The following GJC3 variants were observed in gnomAD, a reference collection of about 807,000 sequenced individuals.
GJC3 encodes gap junction protein gamma 3.
A neutral mutation model predicts 19.8 loss-of-function variants in GJC3; 17 were observed. The observed-to-expected ratio is 0.86, with a 90% CI of 0.59 to 1.29. The LOEUF (loss-of-function observed/expected upper bound fraction) is 1.29, where lower values mean the gene tolerates loss of function less well. Among genes scored for constraint, GJC3 ranks in the 50% most tolerant of loss-of-function variants. The pLI is 0.00. For synonymous variants in GJC3, 140 were observed against 136.5 expected, an observed-to-expected ratio of 1.03 and a Z score of -0.18; for missense variants, 317 against 332.5, an observed-to-expected ratio of 0.95 and a Z score of 0.36.
At chr7:99,924,722 G>T (rs1159715568) in intron 1 of GJC3, among the ~76,000 whole-genome samples, 2 of 152,160 alleles carry the variant, frequency 1.3e-5, no homozygotes, top group Admixed American at 1.3e-4. Flanking sequence ...TATACTTTGG[G>T]TATAATCCAA....
chr7:99,926,946 T>C (rs1819812977), intron 1 of GJC3, among the ~76,000 whole-genome samples: 1 of 152,096 alleles, frequency 6.6e-6, no homozygotes, highest in South Asian at 2.1e-4. Flanking sequence ...CACGCCACAG[T>C]GTGGGAGCAA....
chr7:99,928,273 C>T (rs1297400397), intron 1 of GJC3, among the ~76,000 whole-genome samples: 1 of 152,218 alleles, frequency 6.6e-6, no homozygotes, highest in East Asian at 1.9e-4. Flanking sequence ...TTTAGGGAGG[C>T]TTCTCCCGGC....
At position 99,929,526 on chromosome 7, in the gene GJC3, C is replaced by A. The variant is rs774309548; in HGVS notation, c.95G>T (p.Arg32Leu). 3.1e-6 allele frequency: 5 copies of A among 1,614,054 alleles called. No individual in the cohort carries two copies. Among genetic ancestry groups the A allele is most frequent in the Admixed American group, 1.7e-5 (1 of 60,022 alleles). ...RLLLPVLLGF[R>L]LVLLAASGPG... is the part of the protein sequence containing the mutation. ...CCCACTGGCAGCCAGCAGCACAAGG[C>A]GGAATCCCAGGAGCACGGGAAGCAA... The change falls in exon 1 of 2, where the codon CGC (arginine) becomes CTC (leucine). Residue 32 changes from arginine to leucine, a missense_variant. Arg to Leu is a moderately radical substitution (Grantham distance 102). Coordinates refer to ENST00000312891, the MANE Select transcript of GJC3 (RefSeq NM_181538.3).
chr7:99,927,709 G>C (rs1819831714), intron 1 of GJC3, among the ~76,000 whole-genome samples: 1 of 152,014 alleles, frequency 6.6e-6, no homozygotes, highest in Non-Finnish European at 1.5e-5. Flanking sequence ...CTGATATTCA[G>C]ATTGCAGTTA....
At position 99,929,181 on chromosome 7, in the gene GJC3, A is replaced by G; in HGVS notation, c.440T>C (p.Leu147Pro). 6.2e-7 allele frequency: 1 copy of G among 1,613,992 alleles called. No homozygotes were observed. Among genetic ancestry groups the G allele is most frequent in the Non-Finnish European group, 8.5e-7 (1 of 1,179,916 alleles). The change falls in exon 1 of 2, where the codon CTG (leucine) becomes CCG (proline). Residue 147 changes from leucine (L) to proline (P), a missense_variant. Transcript: ENST00000312891. ...YVAQLGARLVLEGAALGLQYH... is the reference protein window; with the variant it reads ...YVAQLGARLVPEGAALGLQYH... ...CTGCAACCCCAGGGCTGCCCCCTCCAGGACAAGCCGAGCCCCCAGCTGAGC... is the reference window on the plus strand; with the variant it reads ...CTGCAACCCCAGGGCTGCCCCCTCCGGGACAAGCCGAGCCCCCAGCTGAGC...
At chr7:99,930,255 A>G (rs571296751), upstream of GJC3, among the ~76,000 whole-genome samples, 3 of 152,324 alleles carry the variant, frequency 2.0e-5, no homozygotes, top group South Asian at 6.2e-4. Flanking sequence ...GCAAGCATCG[A>G]GGCTTGCTTT....
intron 1 of GJC3, 59 bp downstream of exon 1, chr7:99,928,781 C>T: frequency 6.5e-6 from 10 of 1,531,284 alleles, no homozygotes; most frequent in South Asian, 2.3e-5. Flanking sequence ...GGACCTGCCC[C>T]GGGAGGAGAT....
chr7:99,926,333 C>CA (rs544473016), intron 1 of GJC3, among the ~76,000 whole-genome samples: 4,408 of 97,062 alleles, frequency 0.045, 94 homozygotes, highest in Non-Finnish European at 0.07. Context: ...GACTCCATCC[C>CA]AAAAAAAAAA....
chr7:99,927,150 C>A (rs1433533397), intron 1 of GJC3, among the ~76,000 whole-genome samples: 1 of 152,230 alleles, frequency 6.6e-6, no homozygotes, highest in Non-Finnish European at 1.5e-5. Flanking sequence ...CCATCTGCTG[C>A]ACAGAAAAGG....
upstream of GJC3, chr7:99,929,782 C>T (rs929742458): frequency 1.1e-5 from 7 of 666,252 alleles, no homozygotes; most frequent in East Asian, 1.1e-4. Context: ...GATTGCACCT[C>T]TTTACTACTT....
In GJC3 at chr7:99,923,551, A is replaced by G. The variant is rs377442638; in HGVS notation, c.834T>C (p.Asp278=). 1 of 780,966 alleles carries G rather than the reference A, an allele frequency of 1.3e-6. No individual in the cohort carries two copies. Among genetic ancestry groups the G allele is most frequent in the South Asian group, 1.3e-5 (1 of 74,612 alleles). The allele number at this position is 780,966 out of a possible 1,614,324, so 48.4% of individuals were successfully genotyped here. ...QEKQRPVGPR[D]A Reference sequence around the variant, plus strand: ...GCCAAAGTTCATCTCCAACTCAGGCATCTCTGGGTCCAACTGGTCTTTGTT... The same window carrying G: ...GCCAAAGTTCATCTCCAACTCAGGCGTCTCTGGGTCCAACTGGTCTTTGTT... The change falls in exon 2 of 2, where the codon GAT becomes GAC. Residue 278 remains aspartate (D), a synonymous_variant. Coordinates refer to ENST00000312891, the MANE Select transcript of GJC3 (RefSeq NM_181538.3).
upstream of GJC3, among the ~76,000 whole-genome samples, chr7:99,930,302 AGAG>A (rs1403427121): frequency 2.6e-5 from 4 of 152,212 alleles, no homozygotes; most frequent in Admixed American, 2.6e-4. Flanking sequence ...CTGAGGAAGA[AGAG>A]AACATTTGGA....
chr7:99,928,849 G>T lies in GJC3; in HGVS notation c.772C>A (p.Gln258Lys), dbSNP rs764814621. ...AGCGTGTCCTTCTCACCTGCTTCTTGAAATTGCTCTTTGGTTTCCACCACT... is the reference window on the plus strand; with the variant it reads ...AGCGTGTCCTTCTCACCTGCTTCTTTAAATTGCTCTTTGGTTTCCACCACT... ...LPVVETKEQF[Q>K]EAVPGRSLAQ... is the part of the protein sequence containing the mutation. Residue 258 changes from glutamine (Q) to lysine (K), a missense_variant, in exon 1 of 2, where the codon CAA (glutamine) becomes AAA (lysine). By Grantham distance (53) the Gln-to-Lys change is moderately conservative (BLOSUM62 1). Coordinates refer to ENST00000312891, the MANE Select transcript of GJC3 (RefSeq NM_181538.3). The T allele has an allele frequency of 1.2e-5, 19 of 1,613,872 alleles. No individual in the cohort carries two copies. In the East Asian group the frequency reaches 3.6e-4, roughly 30 times the overall value.
chr7:99,925,326 C>T (rs1229263458), intron 1 of GJC3, among the ~76,000 whole-genome samples: 1 of 152,114 alleles, frequency 6.6e-6, no homozygotes, highest in African/African-American at 2.4e-5. Context: ...AGTGCTGAGA[C>T]AATTGAATAT....
intron 1 of GJC3, among the ~76,000 whole-genome samples, chr7:99,927,479 GA>G (rs890112624): frequency 2.2e-4 from 33 of 150,946 alleles, no homozygotes; most frequent in East Asian, 3.9e-4. Context: ...GTAGCAGGAA[GA>G]AAAAAAAAAT....
At chr7:99,927,450 A>T (rs141603103) in intron 1 of GJC3, among the ~76,000 whole-genome samples, 49 of 152,272 alleles carry the variant, frequency 3.2e-4, no homozygotes, top group Admixed American at 2.2e-3. Context: ...TGGATGAGGG[A>T]TTCTTATGAA....
intron 1 of GJC3, among the ~76,000 whole-genome samples, chr7:99,927,328 G>A (rs970373095): frequency 6.6e-6 from 1 of 152,218 alleles, no homozygotes. Context: ...ATTATATGGT[G>A]TATGAATTAT....
rs778495769 is a variant in GJC3 at position 99,929,170 on chromosome 7, C to G, written c.451G>C (p.Ala151Pro). Reference sequence around the variant, plus strand: ...TACAGGTGGTACTGCAACCCCAGGGCTGCCCCCTCCAGGACAAGCCGAGCC... The same window carrying G: ...TACAGGTGGTACTGCAACCCCAGGGGTGCCCCCTCCAGGACAAGCCGAGCC... ...LGARLVLEGA[A>P]LGLQYHLYGF... Residue 151 changes from alanine (A) to proline (P), a missense_variant, in exon 1 of 2, where the codon GCC (alanine) becomes CCC (proline). Physicochemically the swap from Ala to Pro is conservative, Grantham distance 27. Coordinates refer to ENST00000312891, the MANE Select transcript of GJC3 (RefSeq NM_181538.3). The G allele has an allele frequency of 6.2e-7, 1 of 1,613,842 alleles. No individual in the cohort carries two copies. The highest frequency in any genetic ancestry group is 1.1e-5 in the South Asian group (1 of 91,078).
chr7:99,928,705 A>C, intron 1 of GJC3, 135 bp downstream of exon 1: 1 of 785,944 alleles, frequency 1.3e-6, no homozygotes, highest in Non-Finnish European at 2.2e-6. Context: ...CGGTCAGAAC[A>C]CATCTGCCTA....
Sources: allele counts gnomAD v4.1 joint callset (sites outside exome capture counted in the v4.1 genomes callset), GRCh38; gene constraint gnomAD v4.1.1; transcripts MANE v1.5; gene names NCBI Gene and HGNC (gene_info 2026-07-23, HGNC 2026-07-21).